Variants in DUS1L observed in about 807,000 individuals in gnomAD.
DUS1L encodes dihydrouridine synthase 1 like, also known as tRNA-dihydrouridine(16/17) synthase [NAD(P)(+)]-like.
Under a neutral mutation model 61.2 loss-of-function variants are expected in DUS1L, and 56 were observed. The observed-to-expected ratio is 0.92, with a 90% CI of 0.74 to 1.14. DUS1L has a LOEUF of 1.14. Among genes scored for constraint, DUS1L ranks in the 50% most tolerant of loss-of-function variants. DUS1L has a pLI of 0.00. For missense variants in DUS1L, 630 were observed against 632.4 expected, an observed-to-expected ratio of 1.00 and a Z score of 0.04; for synonymous variants, 278 against 259.5, an observed-to-expected ratio of 1.07 and a Z score of -0.69.
Position 82,061,651 on chromosome 17 carries a change from G to A in DUS1L, c.664C>T (p.Arg222Trp), listed in dbSNP as rs766051331. 3.1e-6 allele frequency: 5 copies of A among 1,612,780 alleles called. No individual in the cohort carries two copies. Among genetic ancestry groups the A allele is most frequent in the Non-Finnish European group, 4.2e-6 (5 of 1,179,910 alleles). Residue 222 changes from arginine to tryptophan, a missense_variant, in exon 7 of 14, where the codon CGG becomes TGG. Physicochemically the swap from Arg to Trp is moderately radical, Grantham distance 101. Transcript: ENST00000306796. ...QCLQDVERCL[R>W]DTGVQGVMSA... Reference sequence around the variant, plus strand: ...ATGACGCCCTGCACACCCGTGTCCCGGAGGCAGCGCTCCACGTCCTGCAGG... The same window carrying A: ...ATGACGCCCTGCACACCCGTGTCCCAGAGGCAGCGCTCCACGTCCTGCAGG...
chr17:82,060,272 G>C (rs982811263), intron 10 of DUS1L, 179 bp from the exon 11 acceptor site: 2 of 791,280 alleles, frequency 2.5e-6, no homozygotes, highest in Non-Finnish European at 3.9e-6. Context: ...GGAGTCCGGG[G>C]CCTCTGAGAT....
chr17:82,059,611 G>A (rs1004725056), intron 11 of DUS1L: 2 of 311,070 alleles, frequency 6.4e-6, no homozygotes, highest in Admixed American at 4.3e-5. Context: ...CTCCCTCTCA[G>A]CAGCTGCTCA....
chr17:82,060,700 C>T lies in DUS1L; in HGVS notation c.1022+1G>A, dbSNP rs1598552866. ...CCGCCCAGGGCTGGCTGGGCTCTCA[C>T]CCCGGCCGGATGTAGGGCTGGCAGA... On this transcript the variant is annotated splice_donor_variant, in intron 10 of 13. Transcript: ENST00000306796. LOFTEE classifies it high-confidence loss of function. 4 of 1,612,406 alleles carry T rather than the reference C, an allele frequency of 2.5e-6. No homozygotes were observed. Among genetic ancestry groups the T allele is most frequent in the Non-Finnish European group, 3.4e-6 (4 of 1,179,730 alleles).
intron 11 of DUS1L, chr17:82,059,149 G>A (rs999606092): frequency 1.4e-5 from 5 of 344,890 alleles, no homozygotes; most frequent in African/African-American, 8.2e-5. Flanking sequence ...AGGGTCCAAG[G>A]GGGGTTCCAT....
At chr17:82,064,704 A>C in intron 2 of DUS1L, 119 bp downstream of exon 2, 1 of 1,026,240 alleles carries the variant, frequency 9.7e-7, no homozygotes, top group Non-Finnish European at 1.4e-6. Context: ...TCCTCCTGGA[A>C]TTGAGCTGTC....
intron 10 of DUS1L, chr17:82,060,383 G>C (rs1034338645): frequency 4.5e-5 from 26 of 579,366 alleles, no homozygotes; most frequent in African/African-American, 3.4e-4. Flanking sequence ...AGAAGCTGGG[G>C]TCAACCTCTT....
chr17:82,063,071 C>T lies in DUS1L; in HGVS notation c.398-98G>A. The T allele has an allele frequency of 2.7e-6, 3 of 1,118,840 alleles. No homozygotes were observed. The South Asian group carries it at 4.0e-5, about 15-fold the overall frequency. 69.3% of individuals were successfully genotyped at this position (1,118,840 alleles called of 1,614,324 possible). A position where few individuals can be genotyped will look rare whatever the true frequency, so the allele number is the denominator to read the frequency against. On this transcript the variant is annotated intron_variant, in intron 4 of 13. Transcript: ENST00000306796. ...GGCCCTGCAGACAGCGGAGCCCAGGCAGCTTTGCCGGGAGGCTGGGAGGCA... is the reference window on the plus strand; with the variant it reads ...GGCCCTGCAGACAGCGGAGCCCAGGTAGCTTTGCCGGGAGGCTGGGAGGCA...
At chr17:82,061,871 C>T in intron 6 of DUS1L, 30 bp downstream of exon 6, 1 of 1,594,414 alleles carries the variant, frequency 6.3e-7, no homozygotes, top group Non-Finnish European at 8.6e-7. Context: ...GCCCCAAGGA[C>T]TGAGGGCTGT....
In DUS1L at chr17:82,057,806, GC is replaced by G; in HGVS notation, c.*308del. On this transcript the variant is annotated 3_prime_UTR_variant, in exon 14 of 14. Transcript: ENST00000306796. ...TCCTGTTGTTCAGAAGCCCCCACTG[GC>G]CCCAACCGCACCTGCCCCGGCTCAT... 1 of 276,144 alleles carries G rather than the reference GC, an allele frequency of 3.6e-6. No individual in the cohort carries two copies. Among genetic ancestry groups the G allele is most frequent in the Middle Eastern group, 1.0e-3 (1 of 972 alleles). 17.1% of individuals were successfully genotyped at this position (276,144 alleles called of 1,614,324 possible).
At chr17:82,058,452 A>G in intron 12 of DUS1L, 36 bp from the exon 13 acceptor site, 2 of 1,477,936 alleles carry the variant, frequency 1.4e-6, no homozygotes, top group Non-Finnish European at 1.8e-6. Flanking sequence ...TGTGGCCAGC[A>G]CCACTCCCGG....
Position 82,058,157 on chromosome 17 carries a change from TG to T in DUS1L, c.1379del (p.Thr460AsnfsTer88). On this transcript the variant is annotated frameshift_variant, in exon 14 of 14. Transcript: ENST00000306796. LOFTEE classifies it high-confidence loss of function. ...CCATGACTTCGGAGAAGCCACCTGG[TG>T]TTCCAGGTGCTGCTGGCTGAGGCTC... Reference protein sequence around the residue: ...LQEPQPAAPGTPGGFSEVMGS... With the variant: ...LQEPQPAAPGXPGGFSEVMGS... 1.9e-6 allele frequency: 3 copies of T among 1,595,710 alleles called. No individual in the cohort carries two copies. Among genetic ancestry groups the T allele is most frequent in the Non-Finnish European group, 2.6e-6 (3 of 1,167,324 alleles).
In DUS1L at chr17:82,061,261, G is replaced by A. The variant is rs1269432128; in HGVS notation, c.790C>T (p.Pro264Ser). The A allele has an allele frequency of 2.5e-6, 4 of 1,610,468 alleles. No homozygotes were observed. The highest frequency in any genetic ancestry group is 3.4e-6 in the Non-Finnish European group (4 of 1,178,674). Residue 264 changes from proline to serine, a missense_variant, in exon 8 of 14, where the codon CCC becomes TCC. Physicochemically the swap from Pro to Ser is moderately conservative, Grantham distance 74. Coordinates refer to ENST00000306796, the MANE Select transcript of DUS1L (RefSeq NM_022156.5). ...GCCCGGACGTAGGACAGGGGGCAGG[G>A]GTGCTCCCGCACGATGTCCAGATAC... ...EEYLDIVREH[P>S]CPLSYVRAHL...
Position 82,057,896 on chromosome 17 carries a change from T to C in DUS1L, c.*219A>G. 2.3e-6 allele frequency: 1 copy of C among 436,734 alleles called. No homozygotes were observed. Among genetic ancestry groups the C allele is most frequent in the Non-Finnish European group, 4.0e-6 (1 of 252,882 alleles). The allele number at this position is 436,734 out of a possible 1,614,324, so 27.1% of individuals were successfully genotyped here. A position where few individuals can be genotyped will look rare whatever the true frequency, so the allele number is the denominator to read the frequency against. On this transcript the variant is annotated 3_prime_UTR_variant, in exon 14 of 14. Coordinates refer to ENST00000306796, the MANE Select transcript of DUS1L (RefSeq NM_022156.5). ...GGGCTCTCGCATCTTTGAAATGATT[T>C]ATTGTTCACTTTTGCACACGCGTGC...
At position 82,064,176 on chromosome 17, in the gene DUS1L, C is replaced by T. The variant is rs2033647222; in HGVS notation, c.296G>A (p.Cys99Tyr). ...VQAALLAQDY[C>Y]DAIDLNLGCP... is the part of the protein sequence containing the mutation. ...GCCCAAGTTCAGGTCAATGGCGTCA[C>T]AGTAATCCTGAGCCAGGAGAGCCGC... Residue 99 changes from cysteine to tyrosine, a missense_variant, in exon 3 of 14, where the codon TGT becomes TAT. Physicochemically the swap from Cys to Tyr is radical, Grantham distance 194. Coordinates refer to ENST00000306796, the MANE Select transcript of DUS1L (RefSeq NM_022156.5). 8 of 1,612,948 alleles carry T rather than the reference C, an allele frequency of 5.0e-6. No individual in the cohort carries two copies. The highest frequency in any genetic ancestry group is 6.8e-6 in the Non-Finnish European group (8 of 1,179,898).
rs888666543 is a variant in DUS1L at position 82,060,770 on chromosome 17, C to T, written c.953G>A (p.Arg318Lys). ...LKLRCQEEIS[R>K]QEGAKPTGDL... ...GCCGGTGGGCTTCGCTCCCTCCTGC[C>T]TGGATATCTCCTCCTGCAAAAGCCC... The change falls in exon 10 of 14, where the codon AGG becomes AAG. Residue 318 changes from arginine (R) to lysine (K), a missense_variant. Physicochemically the swap from Arg to Lys is conservative, Grantham distance 26. Transcript: ENST00000306796. The T allele has an allele frequency of 1.1e-5, 18 of 1,612,582 alleles. No individual in the cohort carries two copies. The highest frequency in any genetic ancestry group is 1.4e-5 in the Non-Finnish European group (16 of 1,179,740).
Position 82,058,411 on chromosome 17 carries a change from G to C in DUS1L, c.1212C>G (p.Asn404Lys). The C allele has an allele frequency of 1.3e-6, 2 of 1,489,972 alleles. No individual in the cohort carries two copies. The highest frequency in any genetic ancestry group is 1.4e-5 in the South Asian group (1 of 71,002). 92.3% of individuals were successfully genotyped at this position (1,489,972 alleles called of 1,614,324 possible). A position where few individuals can be genotyped will look rare whatever the true frequency, so the allele number is the denominator to read the frequency against. ...KCDQCGNPKG[N>K]RCVFSLCRGC... ...CGCGGCACAGGCTGAACACACATCT[G>C]TTGCCCTGGGCACAGGAAATCTCGG... is the stretch of plus-strand genomic sequence containing the variant. Residue 404 changes from asparagine to lysine, a missense_variant, in exon 13 of 14, where the codon AAC becomes AAG. Transcript: ENST00000306796.
At chr17:82,063,580 G>T (rs781511618) in intron 3 of DUS1L, 62 bp from the exon 4 acceptor site, 163 of 1,602,748 alleles carry the variant, frequency 1.0e-4, no homozygotes, top group Non-Finnish European at 1.4e-4. Context: ...CCGAAGCCTT[G>T]CACCCCCTCT....
chr17:82,061,392 G>T, intron 7 of DUS1L, 39 bp from the exon 8 acceptor site: 1 of 1,544,274 alleles, frequency 6.5e-7, no homozygotes, highest in Non-Finnish European at 8.8e-7. Context: ...CTCGTGGGTT[G>T]CTCCAGGTGG....
intron 4 of DUS1L, 168 bp from the exon 5 acceptor site, chr17:82,063,141 C>T: frequency 1.5e-6 from 1 of 658,586 alleles, no homozygotes; most frequent in Non-Finnish European, 2.6e-6. Context: ...GCTGGGCAGG[C>T]TCCCTCCGCC....
Sources: allele counts gnomAD v4.1 joint callset, GRCh38; gene constraint gnomAD v4.1.1; transcripts MANE v1.5; gene names NCBI Gene and HGNC (gene_info 2026-07-23, HGNC 2026-07-21).